The following IKZF2 variants were observed in gnomAD, a reference collection of about 807,000 sequenced individuals.
The protein encoded by IKZF2 is zinc finger protein Helios.
Under a neutral mutation model 49.2 loss-of-function variants are expected in IKZF2, and 15 were observed. The ratio of observed to expected loss-of-function variants is 0.30; its 90% CI spans 0.20 to 0.47. The LOEUF (loss-of-function observed/expected upper bound fraction) is 0.47. Among genes scored for constraint, IKZF2 ranks in the 20% least tolerant of loss-of-function variants. The pLI, the probability that IKZF2 is intolerant of heterozygous loss-of-function variation, is 1.00. For synonymous variants in IKZF2, 227 were observed against 221.4 expected (o/e 1.03, Z -0.23); for missense variants, 567 against 664.6 (o/e 0.85, Z 1.61).
At chr2:213,072,045 T>C (rs1702763891) in intron 4 of IKZF2, among the ~76,000 whole-genome samples, 1 of 152,110 alleles carries the variant, frequency 6.6e-6, no homozygotes, top group South Asian at 2.1e-4. Flanking sequence ...AATAGCTTGG[T>C]TAAAATTTCT....
chr2:213,151,648 G>A (rs1290355980), upstream of IKZF2: 1 of 151,494 alleles, frequency 6.6e-6, no homozygotes, highest in Non-Finnish European at 1.5e-5. Flanking sequence ...AAACCGATCC[G>A]GTGGAGCCCG....
intron 4 of IKZF2, among the ~76,000 whole-genome samples, chr2:213,108,263 C>A (rs993707359): frequency 6.6e-6 from 1 of 151,992 alleles, no homozygotes; most frequent in Non-Finnish European, 1.5e-5. Context: ...GTTTTTCTGA[C>A]AAAATTTTAC....
At chr2:213,086,782 G>GT (rs1341971256) in intron 4 of IKZF2, among the ~76,000 whole-genome samples, 1 of 152,142 alleles carries the variant, frequency 6.6e-6, no homozygotes, top group Non-Finnish European at 1.5e-5. Context: ...GTTTAGTGTG[G>GT]AATGGGAGTG....
At chr2:213,136,626 T>G (rs1340082776) in intron 4 of IKZF2, among the ~76,000 whole-genome samples, 1 of 152,126 alleles carries the variant, frequency 6.6e-6, no homozygotes, top group Non-Finnish European at 1.5e-5. Context: ...GTTTTCTGGC[T>G]CCATACTTTC....
At chr2:213,144,724 T>C (rs2125974324) in intron 4 of IKZF2, among the ~76,000 whole-genome samples, 1 of 152,066 alleles carries the variant, frequency 6.6e-6, no homozygotes, top group African/African-American at 2.4e-5. Context: ...ACTAATGATC[T>C]CAGGCAACAA....
chr2:213,018,175 A>T (rs1239753781), intron 7 of IKZF2, among the ~76,000 whole-genome samples: 1 of 152,164 alleles, frequency 6.6e-6, no homozygotes, highest in Non-Finnish European at 1.5e-5. Context: ...CCTTCAAGCT[A>T]AGCAGACTTG....
chr2:213,098,026 C>A, intron 4 of IKZF2: 2 of 240,746 alleles, frequency 8.3e-6, no homozygotes, highest in South Asian at 4.7e-5. Flanking sequence ...TAATCAATCT[C>A]AAAAAAGTCA....
intron 4 of IKZF2, among the ~76,000 whole-genome samples, chr2:213,062,439 GA>G (rs1318574411): frequency 6.6e-6 from 1 of 151,662 alleles, no homozygotes; most frequent in Non-Finnish European, 1.5e-5. Flanking sequence ...TAATTTCTAT[GA>G]AATTGGTGAC....
chr2:213,102,958 G>A (rs12105530), intron 4 of IKZF2, among the ~76,000 whole-genome samples: 6,070 of 152,118 alleles, frequency 0.04, 255 homozygotes, highest in African/African-American at 0.11. Context: ...AAAAATAAGA[G>A]AGGTAAGATG....
intron 6 of IKZF2, among the ~76,000 whole-genome samples, chr2:213,036,930 C>T (rs890967402): frequency 6.6e-6 from 1 of 151,972 alleles, no homozygotes; most frequent in Non-Finnish European, 1.5e-5. Flanking sequence ...AAAAAACATC[C>T]AAACAAAACA....
chr2:213,133,021 T>C (rs1240806772), intron 4 of IKZF2, among the ~76,000 whole-genome samples: 1 of 152,262 alleles, frequency 6.6e-6, no homozygotes, highest in African/African-American at 2.4e-5. Context: ...CCAGATATGT[T>C]ATGTTCCATG....
Position 213,000,252 on chromosome 2 carries a change from T to TTATATATATA in IKZF2, c.*7098_*7107dup, listed in dbSNP as rs3044171. ...TGGAATTTTAACTTTACATATATAT[T>TTATATATATA]TATATATATATATATATATTTCTTT... is the stretch of plus-strand genomic sequence containing the variant. On this transcript the variant is annotated 3_prime_UTR_variant, in exon 9 of 9. Transcript: ENST00000434687. The TTATATATATA allele has an allele frequency of 5.3e-4, 76 of 142,958 alleles. No homozygotes were observed. The highest frequency in any genetic ancestry group is 1.4e-3 in the African/African-American group (55 of 39,580). 8.9% of individuals were successfully genotyped at this position (142,958 alleles called of 1,614,324 possible). A position where few individuals can be genotyped will look rare whatever the true frequency, so the allele number is the denominator to read the frequency against.
rs145826386 is a variant in IKZF2 at position 213,089,920 on chromosome 2, A to G, written c.140-32821T>C. On this transcript the variant is annotated intron_variant, in intron 4 of 8. Coordinates refer to ENST00000434687, the MANE Select transcript of IKZF2 (RefSeq NM_001387220.1). ...GAAAAAAGATTATGACCAGAAATTG[A>G]TCAAGAGACACTTCCTGATACTCTG... Among the ~76,000 whole-genome samples, 306 of 152,306 alleles carry G rather than the reference A, an allele frequency of 2.0e-3. 7 individuals carry two copies. The highest frequency in any genetic ancestry group is 2.1e-3 in the East Asian group (11 of 5,182).
chr2:213,015,873 G>A lies in IKZF2; in HGVS notation c.713-1939C>T, dbSNP rs187048952. 1.7e-3 allele frequency among the ~76,000 whole-genome samples: 252 copies of A among 152,144 alleles called. 1 individual carries two copies. The highest frequency in any genetic ancestry group is 5.7e-3 in the African/African-American group (237 of 41,538). ...TAAATATGCTAATTTGTTCTGAAAT[G>A]AGTAGTCCAAAACCTGGCAGTTTTG... On this transcript the variant is annotated intron_variant, in intron 7 of 8. Coordinates refer to ENST00000434687, the MANE Select transcript of IKZF2 (RefSeq NM_001387220.1).
chr2:213,102,835 C>A (rs1706868839), intron 4 of IKZF2, among the ~76,000 whole-genome samples: 1 of 151,886 alleles, frequency 6.6e-6, no homozygotes, highest in African/African-American at 2.4e-5. Flanking sequence ...CAACAGTAAG[C>A]AAAACAGCAA....
At chr2:213,055,876 T>C (rs1701103117) in intron 5 of IKZF2, among the ~76,000 whole-genome samples, 1 of 152,182 alleles carries the variant, frequency 6.6e-6, no homozygotes, top group South Asian at 2.1e-4. Context: ...TATTGTGATT[T>C]ATATTTCTTC....
intron 4 of IKZF2, among the ~76,000 whole-genome samples, chr2:213,129,527 G>A (rs752655790): frequency 6.6e-6 from 1 of 151,884 alleles, no homozygotes; most frequent in Non-Finnish European, 1.5e-5. Flanking sequence ...AACAGGGAAA[G>A]AATAGAGAAG....
intron 4 of IKZF2, among the ~76,000 whole-genome samples, chr2:213,061,389 T>A (rs1242872079): frequency 6.6e-6 from 1 of 151,388 alleles, no homozygotes; most frequent in African/African-American, 2.4e-5. Context: ...TAAAACCAAA[T>A]GGAGCAAAAT....
At chr2:213,017,310 C>T (rs998702166) in intron 7 of IKZF2, among the ~76,000 whole-genome samples, 5 of 152,070 alleles carry the variant, frequency 3.3e-5, no homozygotes, top group Admixed American at 3.3e-4. Flanking sequence ...CTACTCAGAC[C>T]CCTCTCAAGA....
Sources: allele counts gnomAD v4.1 joint callset (sites outside exome capture counted in the v4.1 genomes callset), GRCh38; gene constraint gnomAD v4.1.1; transcripts MANE v1.5; gene names NCBI Gene and HGNC (gene_info 2026-07-23, HGNC 2026-07-21).